Variants in ADPGK observed in about 807,000 individuals in gnomAD.
ADPGK encodes ADP dependent glucokinase, also known as ADP-dependent glucokinase.
Under a neutral mutation model 42.4 loss-of-function variants are expected in ADPGK, and 26 were observed. That is an observed-to-expected ratio of 0.61 (90% confidence interval 0.45 to 0.85). The LOEUF (loss-of-function observed/expected upper bound fraction) is 0.85. Ranked by LOEUF, ADPGK falls within the 40% of genes least tolerant of loss-of-function variation. The pLI is 0.00. For missense variants in ADPGK, 571 were observed against 627.0 expected (o/e 0.91, Z 0.95); for synonymous variants, 267 against 252.6 (o/e 1.06, Z -0.54).
At chr15:72,782,148 C>T (rs958472700) in intron 1 of ADPGK, among the ~76,000 whole-genome samples, 1 of 152,190 alleles carries the variant, frequency 6.6e-6, no homozygotes, top group Non-Finnish European at 1.5e-5. Flanking sequence ...AGACAGGGGC[C>T]TTGCTTCACC....
intron 4 of ADPGK, chr15:72,758,177 A>T: frequency 6.4e-7 from 1 of 1,554,968 alleles, no homozygotes; most frequent in East Asian, 2.2e-5. Context: ...AAACACCTCC[A>T]GCATATTCAT....
At chr15:72,758,835 A>G (rs2066150954) in intron 4 of ADPGK, among the ~76,000 whole-genome samples, 3 of 152,238 alleles carry the variant, frequency 2.0e-5, no homozygotes, top group Admixed American at 2.0e-4. Context: ...TGGGTGCCAA[A>G]AAAACTGACA....
At chr15:72,753,323 T>A (rs944522679) in intron 6 of ADPGK, among the ~76,000 whole-genome samples, 1 of 152,230 alleles carries the variant, frequency 6.6e-6, no homozygotes, top group East Asian at 1.9e-4. Flanking sequence ...AGGGTTATAA[T>A]GATTTTTTTT....
intron 3 of ADPGK, among the ~76,000 whole-genome samples, chr15:72,763,286 G>C (rs78975106): frequency 3.2e-3 from 491 of 151,608 alleles, no homozygotes; most frequent in African/African-American, 0.011. Flanking sequence ...CAAGTAGCTG[G>C]GATTATGGAC....
Position 72,763,818 on chromosome 15 carries a change from G to C in ADPGK, c.523-3291C>G, listed in dbSNP as rs113097822. On this transcript the variant is annotated intron_variant, in intron 3 of 6. Transcript: ENST00000456471. ...TTTTCCAACAGCATGTGCTCACTTCGTGTCTCTGTCACATTTTGGTAGTTC... is the reference window on the plus strand; with the variant it reads ...TTTTCCAACAGCATGTGCTCACTTCCTGTCTCTGTCACATTTTGGTAGTTC... Among the ~76,000 whole-genome samples the C allele has an allele frequency of 2.7e-3, 409 of 152,236 alleles. 4 individuals are homozygous for C. The highest frequency in any genetic ancestry group is 9.2e-3 in the African/African-American group (383 of 41,542).
chr15:72,774,339 C>T (rs1362007872), intron 2 of ADPGK, among the ~76,000 whole-genome samples: 1 of 152,096 alleles, frequency 6.6e-6, no homozygotes, highest in Non-Finnish European at 1.5e-5. Flanking sequence ...CAAAACTCAG[C>T]CTCAAGAGGC....
chr15:72,756,910 T>A (rs1241525516), intron 4 of ADPGK: 1 of 158,130 alleles, frequency 6.3e-6, no homozygotes, highest in East Asian at 1.8e-4. Flanking sequence ...CTGAATTTCT[T>A]CCCAACAGCC....
rs1595785315 is a variant in ADPGK at position 72,752,642 on chromosome 15, T to G, written c.1193A>C (p.Asn398Thr). The G allele has an allele frequency of 6.2e-7, 1 of 1,614,222 alleles. No homozygotes were observed. The change falls in exon 7 of 7, where the codon AAC (asparagine) becomes ACC (threonine). Residue 398 changes from asparagine (N) to threonine (T), a missense_variant. By Grantham distance (65) the Asn-to-Thr change is moderately conservative. Around this residue, in one of 2 missense-constraint regions of ADPGK, gnomAD observed 434 missense variants for 522.7 expected, o/e 0.83. Transcript: ENST00000456471. The stretch of plus-strand genomic sequence containing the variant: ...TCCTGCAGCCACGGCTGCCAGCTGG[T>G]TGGCCCAGTGTCCATCCACAGTTGC... ...ILATVDGHWA[N>T]QLAAVAAGAR...
intron 2 of ADPGK, among the ~76,000 whole-genome samples, chr15:72,773,130 G>T (rs376311643): frequency 6.6e-6 from 1 of 151,828 alleles, no homozygotes; most frequent in East Asian, 1.9e-4. Context: ...AAAAAAGGGT[G>T]GGGGGGAGGT....
chr15:72,770,674 T>C (rs536170883), intron 3 of ADPGK, among the ~76,000 whole-genome samples: 83 of 152,372 alleles, frequency 5.4e-4, no homozygotes, highest in African/African-American at 2.0e-3. Flanking sequence ...ATTTTCTTTT[T>C]ATTATTCTTT....
At chr15:72,781,372 A>T (rs973319405) in intron 1 of ADPGK, among the ~76,000 whole-genome samples, 2 of 152,174 alleles carry the variant, frequency 1.3e-5, no homozygotes, top group Admixed American at 1.3e-4. Flanking sequence ...CCTCTACCAT[A>T]GGATTCTCGC....
chr15:72,763,929 C>T (rs2066226262), intron 3 of ADPGK, among the ~76,000 whole-genome samples: 1 of 152,200 alleles, frequency 6.6e-6, no homozygotes, highest in Non-Finnish European at 1.5e-5. Context: ...TGGGACACCA[C>T]AGATCATTCC....
chr15:72,783,254 G>A, intron 1 of ADPGK: 1 of 1,241,696 alleles, frequency 8.1e-7, no homozygotes, highest in South Asian at 3.6e-5. Flanking sequence ...ACCGGGATGA[G>A]AGAAAGGCGC....
chr15:72,778,897 C>A (rs1441703143), intron 1 of ADPGK, among the ~76,000 whole-genome samples: 1 of 152,116 alleles, frequency 6.6e-6, no homozygotes, highest in African/African-American at 2.4e-5. Flanking sequence ...GCACCCCACG[C>A]TAGGCAGGCA....
intron 2 of ADPGK, among the ~76,000 whole-genome samples, chr15:72,773,927 G>A (rs2066358174): frequency 1.3e-5 from 2 of 152,156 alleles, no homozygotes; most frequent in Non-Finnish European, 2.9e-5. Flanking sequence ...GGAGTGAAGT[G>A]GCACGGTCAT....
At chr15:72,755,882 T>C (rs948855193) in intron 5 of ADPGK, 1 of 658,434 alleles carries the variant, frequency 1.5e-6, no homozygotes, top group South Asian at 1.5e-5. Context: ...GAATCAGAGA[T>C]GGCAGTTCAC....
intron 1 of ADPGK, among the ~76,000 whole-genome samples, chr15:72,776,111 G>A (rs11630852): frequency 0.95 from 145,323 of 152,238 alleles, 69,753 homozygotes; most frequent in East Asian, 1. Flanking sequence ...CAGTGCCCCA[G>A]AGTTTTGGAT....
At chr15:72,756,572 G>T in intron 4 of ADPGK, 125 bp from the exon 5 acceptor site, 1 of 1,020,540 alleles carries the variant, frequency 9.8e-7, no homozygotes, top group Non-Finnish European at 1.4e-6. Flanking sequence ...TGGCTGAGGA[G>T]ACCCCAGCAA....
At chr15:72,773,062 T>C (rs1595801577) in intron 2 of ADPGK, among the ~76,000 whole-genome samples, 2 of 152,072 alleles carry the variant, frequency 1.3e-5, no homozygotes, top group Middle Eastern at 3.4e-3. Flanking sequence ...ACTGGAAGAA[T>C]TGTCTTGGGT....
Sources: allele counts gnomAD v4.1 joint callset (sites outside exome capture counted in the v4.1 genomes callset), GRCh38; gene constraint gnomAD v4.1.1; regional missense constraint gnomAD v4.1.1; transcripts MANE v1.5; gene names NCBI Gene and HGNC (gene_info 2026-07-23, HGNC 2026-07-21).